FAM47E: variants seen among roughly 807,000 people sequenced by gnomAD.
FAM47E encodes protein FAM47E.
FAM47E carries 32 observed loss-of-function variants against 41.6 expected under a neutral mutation model. That is an observed-to-expected ratio of 0.77 (90% CI 0.58 to 1.03). The LOEUF (loss-of-function observed/expected upper bound fraction) is 1.03. Ranked by LOEUF, FAM47E falls within the 50% of genes least tolerant of loss-of-function variation. FAM47E has a pLI of 0.00. For missense variants in FAM47E, 424 were observed against 485.4 expected, an observed-to-expected ratio of 0.87 and a Z score of 1.19; for synonymous variants, 184 against 188.7, an observed-to-expected ratio of 0.98 and a Z score of 0.20.
chr4:76,280,044 A>C, intron 6 of FAM47E: 2 of 394,326 alleles, frequency 5.1e-6, no homozygotes, highest in Admixed American at 4.2e-5. Context: ...CATCCTTAAT[A>C]TGGGGATAAG....
intron 2 of FAM47E, among the ~76,000 whole-genome samples, chr4:76,241,526 T>G (rs1733711132): frequency 6.6e-6 from 1 of 152,162 alleles, no homozygotes; most frequent in South Asian, 2.1e-4. Context: ...CATACACAGC[T>G]GCCTGACACA....
At chr4:76,273,839 A>G (rs1734991464) in intron 5 of FAM47E, among the ~76,000 whole-genome samples, 1 of 142,742 alleles carries the variant, frequency 7.0e-6, no homozygotes, top group South Asian at 2.3e-4. Flanking sequence ...TTCTATGGCT[A>G]TGTCGTTAAA....
In FAM47E at chr4:76,263,727, G is replaced by A; in HGVS notation, c.444G>A (p.Val148=). The change falls in exon 3 of 8, where the codon GTG becomes GTA. Residue 148 remains valine, a synonymous_variant. Transcript: ENST00000424749. ...AGCTCTTATCAAAGGTGCTGGAAGT[G>A]CTTGATCCTGACCGGAAGCTGGAGG... is the stretch of plus-strand genomic sequence containing the variant. ...PIELLSKVLE[V]LDPDRKLEDT... The A allele has an allele frequency of 6.4e-7, 1 of 1,551,688 alleles. No homozygotes were observed. Among genetic ancestry groups the A allele is most frequent in the Non-Finnish European group, 8.7e-7 (1 of 1,146,896 alleles).
chr4:76,246,044 A>G, intron 2 of FAM47E, among the ~76,000 whole-genome samples: 1 of 152,172 alleles, frequency 6.6e-6, no homozygotes, highest in East Asian at 1.9e-4. Context: ...CACTGAGGGC[A>G]GTTTTCAAGA....
At chr4:76,225,735 A>T (rs1431512609) in intron 2 of FAM47E, among the ~76,000 whole-genome samples, 1 of 152,016 alleles carries the variant, frequency 6.6e-6, no homozygotes, top group East Asian at 1.9e-4. Flanking sequence ...CTGGTATGAA[A>T]CTCACTTGAT....
intron 5 of FAM47E, among the ~76,000 whole-genome samples, chr4:76,276,037 GACACACACAC>G (rs796893693): frequency 3.2e-5 from 2 of 62,402 alleles, no homozygotes; most frequent in South Asian, 9.6e-4. Flanking sequence ...CAGACAGACA[GACACACACAC>G]ACACACACAC....
exon 2 of FAM47E, chr4:76,217,581 G>A (rs1560725825): frequency 5.7e-6 from 3 of 524,438 alleles, no homozygotes; most frequent in Non-Finnish European, 1.0e-5. Flanking sequence ...CTTCCCAGGA[G>A]TGGAAGCAGC....
rs187029243 is a variant in FAM47E, at chr4:76,240,449, G to T, written c.81+22761G>T. On this transcript the variant is annotated intron_variant, in intron 2 of 7. Transcript: ENST00000510197. Reference sequence around the variant, plus strand: ...TCATGTCTTTCATTAAATTTGGCAAGTTTTTGGTCATAATTTCTTTGAATA... The same window carrying T: ...TCATGTCTTTCATTAAATTTGGCAATTTTTTGGTCATAATTTCTTTGAATA... 2.6e-3 allele frequency among the ~76,000 whole-genome samples: 399 copies of T among 152,218 alleles called. 2 individuals carry two copies. The highest frequency in any genetic ancestry group is 9.5e-3 in the African/African-American group (393 of 41,540).
intron 6 of FAM47E, chr4:76,279,001 T>G (rs1414979395): frequency 4.6e-5 from 7 of 152,192 alleles, no homozygotes; most frequent in Non-Finnish European, 1.0e-4. Context: ...TTAGACTTAT[T>G]ATTCTTCAGT....
At chr4:76,277,060 G>A (rs774816169) in intron 5 of FAM47E, among the ~76,000 whole-genome samples, 1 of 152,162 alleles carries the variant, frequency 6.6e-6, no homozygotes, top group Non-Finnish European at 1.5e-5. Context: ...GACAGTGTGG[G>A]TATTGCATTC....
At position 76,283,472 on chromosome 4, in the gene FAM47E, G is replaced by T. The variant is rs999577492; in HGVS notation, c.*14G>T. On this transcript the variant is annotated 3_prime_UTR_variant, in exon 8 of 8. Transcript: ENST00000424749. ...ACTCAAGCATAGAAGAATCGTAGGA[G>T]AATGATTAGGCAGATTTTATTACTA... The T allele has an allele frequency of 1.4e-5, 20 of 1,454,714 alleles. No homozygotes were observed. The highest frequency in any genetic ancestry group is 1.5e-5 in the Non-Finnish European group (16 of 1,059,830). 90.1% of individuals were successfully genotyped at this position (1,454,714 alleles called of 1,614,324 possible). A position where few individuals can be genotyped will look rare whatever the true frequency, so the allele number is the denominator to read the frequency against.
intron 2 of FAM47E, among the ~76,000 whole-genome samples, chr4:76,233,468 G>A (rs1475265544): frequency 1.3e-5 from 2 of 152,026 alleles, no homozygotes; most frequent in East Asian, 1.9e-4. Context: ...TTAAAGTCGC[G>A]TGAACTGAAA....
At chr4:76,248,435 TG>T (rs1733878866), upstream of FAM47E, among the ~76,000 whole-genome samples, 1 of 152,134 alleles carries the variant, frequency 6.6e-6, no homozygotes, top group Non-Finnish European at 1.5e-5. Context: ...AGTTGATTTT[TG>T]TATACAGTAT....
intron 5 of FAM47E, among the ~76,000 whole-genome samples, chr4:76,276,355 C>CTTTTTGTGTT (rs372327970): frequency 2.0e-5 from 2 of 97,844 alleles, no homozygotes; most frequent in African/African-American, 3.4e-5. Context: ...GAGGGGGTTA[C>CTTTTTGTGTT]TTTTTTTTGT....
chr4:76,255,706 A>G (rs1734160033), intron 1 of FAM47E, among the ~76,000 whole-genome samples: 3 of 152,160 alleles, frequency 2.0e-5, no homozygotes, highest in Non-Finnish European at 4.4e-5. Context: ...GGAGAGATGA[A>G]ATGTGGTGGC....
rs1223082310 is a variant in FAM47E, at chr4:76,283,009, C to T, written c.1105-372C>T. 4 of 170,614 alleles carry T rather than the reference C, an allele frequency of 2.3e-5. No homozygotes were observed. The East Asian group carries it at 6.1e-4, about 26-fold the overall frequency. 10.6% of individuals were successfully genotyped at this position (170,614 alleles called of 1,614,324 possible). A position where few individuals can be genotyped will look rare whatever the true frequency, so the allele number is the denominator to read the frequency against. On this transcript the variant is annotated intron_variant, in intron 7 of 7. Coordinates refer to ENST00000424749, the MANE Select transcript of FAM47E (RefSeq NM_001136570.3). ...ATGTTATGTGAACATATGCACTTAC[C>T]TACACATTCCAGTATCTGCTGCTGG...
chr4:76,226,275 G>A (rs557409051), intron 2 of FAM47E, among the ~76,000 whole-genome samples: 1 of 152,280 alleles, frequency 6.6e-6, no homozygotes, highest in East Asian at 1.9e-4. Context: ...GGGTAAACAG[G>A]TGAGGACATG....
chr4:76,268,148 T>A (rs1332351698), intron 3 of FAM47E: 1 of 153,130 alleles, frequency 6.5e-6, no homozygotes, highest in African/African-American at 2.4e-5. Flanking sequence ...CTGCTTGGGA[T>A]GCATTGTAGG....
At chr4:76,266,895 T>C (rs1307259353) in intron 3 of FAM47E, among the ~76,000 whole-genome samples, 1 of 152,240 alleles carries the variant, frequency 6.6e-6, no homozygotes, top group African/African-American at 2.4e-5. Context: ...CTTTTCTGTC[T>C]GTTATCTGCA....
Sources: gnomAD v4.1 joint callset for allele counts (sites outside exome capture counted in the v4.1 genomes callset) on GRCh38, gnomAD v4.1.1 for gene constraint, MANE v1.5 for transcripts, NCBI Gene and HGNC (gene_info 2026-07-23, HGNC 2026-07-21) for gene names.